FBXO40: variants seen among roughly 807,000 people sequenced by gnomAD.
FBXO40 encodes the protein F-box protein 40.
FBXO40 carries 50 observed loss-of-function variants against 49.9 expected under a neutral mutation model. The observed-to-expected ratio is 1.00, with a 90% CI of 0.80 to 1.27. The LOEUF (loss-of-function observed/expected upper bound fraction) is 1.27. FBXO40 is among the 50% of genes most tolerant of loss of function. The pLI, the probability that FBXO40 is intolerant of heterozygous loss-of-function variation, is 0.00. For synonymous variants in FBXO40, 340 were observed against 320.2 expected, an observed-to-expected ratio of 1.06 and a Z score of -0.66; for missense variants, 895 against 870.1, an observed-to-expected ratio of 1.03 and a Z score of -0.36.
chr3:121,602,389 C>T (rs1254533749), intron 1 of FBXO40, among the ~76,000 whole-genome samples: 1 of 152,216 alleles, frequency 6.6e-6, no homozygotes, highest in African/African-American at 2.4e-5. Context: ...CAGGACCCAT[C>T]TCTCCTCCCC....
At chr3:121,599,297 G>A (rs192109964) in intron 1 of FBXO40, among the ~76,000 whole-genome samples, 48 of 151,942 alleles carry the variant, frequency 3.2e-4, no homozygotes, top group Admixed American at 5.2e-4. Context: ...GCAAAACCCC[G>A]TCTCTACTAA....
chr3:121,614,547 G>A (rs1256363381), intron 1 of FBXO40, among the ~76,000 whole-genome samples: 1 of 152,196 alleles, frequency 6.6e-6, no homozygotes, highest in African/African-American at 2.4e-5. Flanking sequence ...GAGACAAGAA[G>A]CAGGACGCTC....
At chr3:121,620,676 G>A (rs948331379) in intron 2 of FBXO40, 98 bp downstream of exon 2, 83 of 1,449,074 alleles carry the variant, frequency 5.7e-5, no homozygotes, top group Non-Finnish European at 6.4e-5. Flanking sequence ...TGCTCTTATG[G>A]TTTGATGATA....
rs1241824026 is a variant in FBXO40 at position 121,621,991 on chromosome 3, A to G, written c.562A>G (p.Thr188Ala). 1.2e-6 allele frequency: 2 copies of G among 1,614,136 alleles called. No homozygotes were observed. Among genetic ancestry groups the G allele is most frequent in the South Asian group, 1.1e-5 (1 of 91,092 alleles). Residue 188 changes from threonine to alanine, a missense_variant, in exon 3 of 4, where the codon ACT becomes GCT. Physicochemically the swap from Thr to Ala is moderately conservative, Grantham distance 58 (BLOSUM62 0). Transcript: ENST00000338040. Reference sequence around the variant, plus strand: ...TTTGGTACCACATGGTCTGTCAGCAACTAATGGGGAGATGGCAGAGCTAAG... The same window carrying G: ...TTTGGTACCACATGGTCTGTCAGCAGCTAATGGGGAGATGGCAGAGCTAAG... ...IGLVPHGLSATNGEMAELSQE... is the reference protein window; with the variant it reads ...IGLVPHGLSAANGEMAELSQE...
intron 1 of FBXO40, among the ~76,000 whole-genome samples, chr3:121,616,311 T>C (rs1359004054): frequency 1.3e-5 from 2 of 152,062 alleles, no homozygotes; most frequent in African/African-American, 4.8e-5. Flanking sequence ...AAGAATCAGA[T>C]GGGGAGTGTG....
intron 1 of FBXO40, among the ~76,000 whole-genome samples, chr3:121,604,686 G>A (rs989772773): frequency 3.9e-5 from 6 of 152,158 alleles, no homozygotes; most frequent in Non-Finnish European, 7.3e-5. Context: ...TCCCTGTGCC[G>A]CAGTCAGAGT....
chr3:121,613,251 C>A (rs186858858), intron 1 of FBXO40, among the ~76,000 whole-genome samples: 1 of 152,130 alleles, frequency 6.6e-6, no homozygotes, highest in Non-Finnish European at 1.5e-5. Context: ...CCGAGCTCCA[C>A]TGAAAGGGAC....
chr3:121,612,676 A>G (rs1453049093), intron 1 of FBXO40, among the ~76,000 whole-genome samples: 2 of 152,098 alleles, frequency 1.3e-5, no homozygotes, highest in African/African-American at 2.4e-5. Context: ...CCCTTCTACA[A>G]AACAAATCAA....
At chr3:121,603,113 C>A (rs549281951) in intron 1 of FBXO40, among the ~76,000 whole-genome samples, 3 of 152,220 alleles carry the variant, frequency 2.0e-5, no homozygotes, top group African/African-American at 7.2e-5. Context: ...AAGGATCTCT[C>A]TTGGGCTTCT....
Position 121,621,614 on chromosome 3 carries a change from A to G in FBXO40, c.185A>G (p.Gln62Arg). 6.2e-7 allele frequency: 1 copy of G among 1,614,206 alleles called. No individual in the cohort carries two copies. Among genetic ancestry groups the G allele is most frequent in the Non-Finnish European group, 8.5e-7 (1 of 1,180,004 alleles). The change falls in exon 3 of 4, where the codon CAG (glutamine) becomes CGG (arginine). Residue 62 changes from glutamine to arginine, a missense_variant. Physicochemically the swap from Gln to Arg is conservative, Grantham distance 43. Coordinates refer to ENST00000338040, the MANE Select transcript of FBXO40 (RefSeq NM_016298.4). ...CACCAGCTCCTCTGCCCTTTAGAGC[A>G]GGTTCCGTGCCTCAACTCCGAATAT... ...AEHQLLCPLEQVPCLNSEYGC... is the reference protein window; with the variant it reads ...AEHQLLCPLERVPCLNSEYGC...
chr3:121,599,144 GC>G (rs903189131), intron 1 of FBXO40, among the ~76,000 whole-genome samples: 1 of 152,072 alleles, frequency 6.6e-6, no homozygotes, highest in Non-Finnish European at 1.5e-5. Context: ...AGAACATACT[GC>G]TTTTTCAGAC....
intron 1 of FBXO40, among the ~76,000 whole-genome samples, chr3:121,618,192 A>T (rs956348700): frequency 6.6e-6 from 1 of 152,060 alleles, no homozygotes; most frequent in Admixed American, 6.5e-5. Flanking sequence ...TTAAAAATTT[A>T]AAAATAACTA....
intron 3 of FBXO40, among the ~76,000 whole-genome samples, chr3:121,624,522 G>C (rs2049051612): frequency 6.6e-6 from 1 of 152,152 alleles, no homozygotes; most frequent in South Asian, 2.1e-4. Flanking sequence ...AGGCTGCCTG[G>C]ACAGATTGCC....
At chr3:121,618,076 C>G (rs1167442276) in intron 1 of FBXO40, among the ~76,000 whole-genome samples, 1 of 152,068 alleles carries the variant, frequency 6.6e-6, no homozygotes, top group African/African-American at 2.4e-5. Context: ...CCCAATTACC[C>G]TAATTCGATC....
intron 1 of FBXO40, among the ~76,000 whole-genome samples, chr3:121,593,815 T>A (rs1262135179): frequency 1.3e-5 from 2 of 152,082 alleles, no homozygotes; most frequent in African/African-American, 2.4e-5. Flanking sequence ...TCTGGGGAAG[T>A]GGAGGAGGTG....
chr3:121,628,099 G>T lies in FBXO40; in HGVS notation c.*1189G>T. ...CAAAAGTAAAAGAAAAAAAGACACA[G>T]TAGAAACTGGCATCCCCTAAAGCAG... On this transcript the variant is annotated 3_prime_UTR_variant, in exon 4 of 4. Coordinates refer to ENST00000338040, the MANE Select transcript of FBXO40 (RefSeq NM_016298.4). The T allele has an allele frequency of 2.5e-6, 1 of 395,376 alleles. No homozygotes were observed. The highest frequency in any genetic ancestry group is 4.4e-6 in the Non-Finnish European group (1 of 224,764). The allele number at this position is 395,376 out of a possible 1,614,324, so 24.5% of individuals were successfully genotyped here.
In FBXO40 at chr3:121,618,917, CTTT is replaced by C. The variant is rs948709463; in HGVS notation, c.-30-1617_-30-1615del. ...CACCTTTTCTGTATATTTGAAATGT[CTTT>C]TTTTTTTTTTTAAGTTGGGGGAAAT... On this transcript the variant is annotated intron_variant, in intron 1 of 3. Coordinates refer to ENST00000338040, the MANE Select transcript of FBXO40 (RefSeq NM_016298.4). Among the ~76,000 whole-genome samples, 11 of 139,668 alleles carry C rather than the reference CTTT, an allele frequency of 7.9e-5. No individual in the cohort carries two copies. In the South Asian group the frequency reaches 1.4e-3, roughly 17 times the overall value. The allele number at this position is 139,668 out of a possible 152,430, so 91.6% of individuals were successfully genotyped here. A position where few individuals can be genotyped will look rare whatever the true frequency, so the allele number is the denominator to read the frequency against.
intron 1 of FBXO40, among the ~76,000 whole-genome samples, chr3:121,600,572 A>G (rs1362696283): frequency 1.3e-5 from 2 of 152,204 alleles, no homozygotes. Context: ...TGTGGACACT[A>G]TTCTGTGCCC....
At chr3:121,600,043 C>T (rs541956671) in intron 1 of FBXO40, among the ~76,000 whole-genome samples, 28 of 149,020 alleles carry the variant, frequency 1.9e-4, no homozygotes, top group African/African-American at 2.2e-4. Flanking sequence ...TATATATATA[C>T]ACACACACAC....
Sources: gnomAD v4.1 joint callset for allele counts (sites outside exome capture counted in the v4.1 genomes callset) on GRCh38, gnomAD v4.1.1 for gene constraint, MANE v1.5 for transcripts, NCBI Gene and HGNC (gene_info 2026-07-23, HGNC 2026-07-21) for gene names.